The following TCF12 variants were observed in gnomAD, a reference collection of about 807,000 sequenced individuals.
TCF12 encodes the protein transcription factor 12.
In TCF12, 45 loss-of-function variants were observed where a neutral mutation model predicts 86.0. The observed-to-expected ratio is 0.52, with a 90% confidence interval of 0.41 to 0.67. TCF12 has a LOEUF of 0.67. Among genes scored for constraint, TCF12 ranks in the 30% least tolerant of loss-of-function variants. TCF12 has a pLI of 0.00. For missense variants in TCF12, 881 were observed against 859.9 expected (o/e 1.02, Z -0.31); for synonymous variants, 330 against 299.6 (o/e 1.10, Z -1.05).
At chr15:56,975,534 AT>A (rs1347147185) in intron 3 of TCF12, among the ~76,000 whole-genome samples, 2 of 152,196 alleles carry the variant, frequency 1.3e-5, no homozygotes, top group African/African-American at 4.8e-5. Flanking sequence ...TTCTAAAAAA[AT>A]GAATTTACCT....
intron 3 of TCF12, among the ~76,000 whole-genome samples, chr15:56,952,467 G>T (rs2061325488): frequency 6.6e-6 from 1 of 151,304 alleles, no homozygotes; most frequent in Non-Finnish European, 1.5e-5. Context: ...AAAATTTATA[G>T]ATCAATTTGG....
At chr15:57,170,792 ATATATATATATAAT>A (rs1213874648) in intron 6 of TCF12, among the ~76,000 whole-genome samples, 12 of 30,010 alleles carry the variant, frequency 4.0e-4, no homozygotes, top group African/African-American at 1.1e-3. Flanking sequence ...TATATATATA[ATATATATATATAAT>A]TTTTTTTTTT....
chr15:57,243,614 A>G (rs1399960850), intron 13 of TCF12, 64 bp downstream of exon 13: 20 of 1,363,908 alleles, frequency 1.5e-5, no homozygotes, highest in Non-Finnish European at 2.0e-5. Flanking sequence ...TAGTTCATTT[A>G]TTTCTCAACA....
chr15:57,005,283 T>G (rs1017858975), intron 3 of TCF12, among the ~76,000 whole-genome samples: 7 of 152,226 alleles, frequency 4.6e-5, no homozygotes, highest in Non-Finnish European at 1.0e-4. Flanking sequence ...TTAATACTCA[T>G]GTACATTTTT....
At chr15:57,187,345 T>C (rs1360933104) in intron 6 of TCF12, among the ~76,000 whole-genome samples, 3 of 152,132 alleles carry the variant, frequency 2.0e-5, no homozygotes, top group Admixed American at 6.5e-5. Flanking sequence ...CTCGCTAAGA[T>C]TGGGAACAAA....
chr15:56,936,611 G>T (rs1457855684), intron 3 of TCF12, among the ~76,000 whole-genome samples: 2 of 152,122 alleles, frequency 1.3e-5, no homozygotes, highest in African/African-American at 4.8e-5. Context: ...TAAAGTTTCA[G>T]GTCTTAGATT....
intron 8 of TCF12, among the ~76,000 whole-genome samples, chr15:57,212,071 T>A (rs2151823394): frequency 6.6e-6 from 1 of 151,974 alleles, no homozygotes; most frequent in Non-Finnish European, 1.5e-5. Flanking sequence ...GAATCTTGAA[T>A]CTTGAATACA....
At chr15:57,193,018 T>C (rs2057064267) in intron 7 of TCF12, among the ~76,000 whole-genome samples, 1 of 152,212 alleles carries the variant, frequency 6.6e-6, no homozygotes. Context: ...CTAATGTTAA[T>C]AACTTAATTC....
intron 6 of TCF12, among the ~76,000 whole-genome samples, chr15:57,167,961 C>G (rs1431877697): frequency 6.6e-6 from 1 of 152,142 alleles, no homozygotes; most frequent in Non-Finnish European, 1.5e-5. Context: ...AGAGCCGAAT[C>G]TGTTAAACTT....
chr15:57,215,180 G>T (rs1351067470), intron 8 of TCF12, among the ~76,000 whole-genome samples: 2 of 152,130 alleles, frequency 1.3e-5, no homozygotes, highest in Admixed American at 1.3e-4. Context: ...ATAATGTTCA[G>T]ATATAAAACC....
chr15:57,042,943 A>G (rs1241453183), intron 3 of TCF12, among the ~76,000 whole-genome samples: 2 of 152,128 alleles, frequency 1.3e-5, no homozygotes, highest in Non-Finnish European at 2.9e-5. Context: ...TCACCATTCT[A>G]CCTTCTGCTT....
At chr15:57,256,622 A>C (rs34893876) in intron 16 of TCF12, among the ~76,000 whole-genome samples, 149,341 of 149,724 alleles carry the variant, frequency 1, 74,481 homozygotes, top group East Asian at 1. Flanking sequence ...TTTTTTCCGG[A>C]ATTAACATAA....
intron 3 of TCF12, among the ~76,000 whole-genome samples, chr15:56,982,950 G>T (rs2062966355): frequency 6.6e-6 from 1 of 152,176 alleles, no homozygotes. Flanking sequence ...ATTAAAATAT[G>T]TAACAATTCT....
Position 57,252,502 on chromosome 15 carries a change from CT to C in TCF12, c.1260+14del. On this transcript the variant is annotated intron_variant, in intron 15 of 20. Coordinates refer to ENST00000333725, the MANE Select transcript of TCF12 (RefSeq NM_207037.2). ...AAAGGATGTCTGTGAGGTACTATTTCTTTTAGATGGTGCCTTTTTTGTGTTT... is the reference window on the plus strand; with the variant it reads ...AAAGGATGTCTGTGAGGTACTATTTCTTTAGATGGTGCCTTTTTTGTGTTT... The C allele has an allele frequency of 6.2e-7, 1 of 1,611,030 alleles. No homozygotes were observed. Among genetic ancestry groups the C allele is most frequent in the Non-Finnish European group, 8.5e-7 (1 of 1,177,608 alleles).
chr15:57,129,731 C>T (rs1456452582), intron 5 of TCF12: 1 of 152,196 alleles, frequency 6.6e-6, no homozygotes. Context: ...GGGCCTAACA[C>T]TTAGAAGACA....
intron 20 of TCF12, among the ~76,000 whole-genome samples, chr15:57,283,647 A>G (rs2061797566): frequency 2.0e-5 from 3 of 152,248 alleles, no homozygotes; most frequent in Admixed American, 2.0e-4. Flanking sequence ...TAGTAAGTAA[A>G]GGCAGATGAG....
chr15:57,262,798 C>T (rs2060648417), intron 17 of TCF12, among the ~76,000 whole-genome samples: 1 of 152,182 alleles, frequency 6.6e-6, no homozygotes, highest in South Asian at 2.1e-4. Flanking sequence ...ACCTCTGCAA[C>T]ATCTTAGAAG....
Position 57,091,848 on chromosome 15 carries a change from T to G in TCF12, c.282T>G (p.His94Gln). 3.7e-6 allele frequency: 6 copies of G among 1,613,870 alleles called. No individual in the cohort carries two copies. Among genetic ancestry groups the G allele is most frequent in the Non-Finnish European group, 4.2e-6 (5 of 1,179,820 alleles). ...DHLNDSRLGA[H>Q]EGLSPTPFMN... ...TGAATGACAGTCGATTAGGAGCCCA[T>G]GAAGGCTTGTCCCCAACACCTTTCA... The change falls in exon 5 of 21, where the codon CAT becomes CAG. Residue 94 changes from histidine (H) to glutamine (Q), a missense_variant. Transcript: ENST00000333725.
intron 3 of TCF12, among the ~76,000 whole-genome samples, chr15:56,963,777 G>A (rs1187649870): frequency 2.6e-5 from 4 of 152,106 alleles, no homozygotes; most frequent in African/African-American, 9.7e-5. Context: ...GTGTTATAAC[G>A]AGTAGAAATT....
Sources: gnomAD v4.1 joint callset for allele counts (sites outside exome capture counted in the v4.1 genomes callset) on GRCh38, gnomAD v4.1.1 for gene constraint, MANE v1.5 for transcripts, NCBI Gene and HGNC (gene_info 2026-07-23, HGNC 2026-07-21) for gene names.